SLF1: variants seen among roughly 807,000 people sequenced by gnomAD.
SLF1 encodes SMC5/6 complex localization factor 1.
In SLF1, 105 loss-of-function variants were observed where a neutral mutation model predicts 123.0. The observed-to-expected ratio is 0.85, with a 90% CI of 0.73 to 1.00. The LOEUF is 1.00. Among genes scored for constraint, SLF1 ranks in the 50% least tolerant of loss-of-function variants. The pLI is 0.00. For missense variants in SLF1, 1,239 were observed against 1,223.0 expected, an observed-to-expected ratio of 1.01 and a Z score of -0.20; for synonymous variants, 434 against 406.6, an observed-to-expected ratio of 1.07 and a Z score of -0.81.
In SLF1 at chr5:94,649,573, A is replaced by G; in HGVS notation, c.714A>G (p.Leu238=). Residue 238 remains leucine, a synonymous_variant, in exon 6 of 21, where the codon TTA becomes TTG. Coordinates refer to ENST00000265140, the MANE Select transcript of SLF1 (RefSeq NM_032290.4). ...GATTTCTTGAAATGAAAGGTGCCTTAAGAGAGACCATGTATAGAACCCAGG... is the reference window on the plus strand; with the variant it reads ...GATTTCTTGAAATGAAAGGTGCCTTGAGAGAGACCATGTATAGAACCCAGG... ...DAGFLEMKGA[L]RETMYRTQKE... The G allele has an allele frequency of 6.5e-7, 1 of 1,527,270 alleles. No homozygotes were observed. The highest frequency in any genetic ancestry group is 8.8e-7 in the Non-Finnish European group (1 of 1,130,754). 94.6% of individuals were successfully genotyped at this position (1,527,270 alleles called of 1,614,324 possible).
chr5:94,660,010 A>G (rs1391770655), intron 9 of SLF1, among the ~76,000 whole-genome samples: 2 of 152,180 alleles, frequency 1.3e-5, no homozygotes, highest in Non-Finnish European at 2.9e-5. Context: ...CAGCAGCAGC[A>G]GCTTGACATG....
At chr5:94,671,265 C>T (rs1247919872) in intron 14 of SLF1, among the ~76,000 whole-genome samples, 1 of 151,616 alleles carries the variant, frequency 6.6e-6, no homozygotes, top group African/African-American at 2.4e-5. Context: ...ACTTACCTTT[C>T]TAGATTTTTT....
At chr5:94,633,747 CAT>C (rs1389055407) in intron 4 of SLF1, among the ~76,000 whole-genome samples, 1 of 152,176 alleles carries the variant, frequency 6.6e-6, no homozygotes, top group African/African-American at 2.4e-5. Flanking sequence ...ATTGCATTCT[CAT>C]ATACTAGCAA....
At position 94,632,985 on chromosome 5, in the gene SLF1, G is replaced by A. The variant is rs1171903364; in HGVS notation, c.431+2242G>A. ...ATTACAGGCTTGAGCCACCGCGCCC[G>A]ACCTTTATTTTTTTAATTTTTTGAG... On this transcript the variant is annotated intron_variant, in intron 4 of 20. Transcript: ENST00000265140. 2.6e-5 allele frequency among the ~76,000 whole-genome samples: 4 copies of A among 151,456 alleles called. No individual in the cohort carries two copies. In the South Asian group the frequency reaches 6.3e-4, roughly 24 times the overall value.
intron 9 of SLF1, among the ~76,000 whole-genome samples, chr5:94,658,473 T>A (rs1398456208): frequency 6.6e-6 from 1 of 151,998 alleles, no homozygotes; most frequent in African/African-American, 2.4e-5. Context: ...CTTTCAACAC[T>A]ATGAATGTGT....
intron 12 of SLF1, among the ~76,000 whole-genome samples, chr5:94,666,553 G>A (rs186955804): frequency 3.9e-5 from 6 of 152,208 alleles, no homozygotes; most frequent in Admixed American, 1.3e-4. Context: ...CAGAAATTCT[G>A]TTTCACCTTC....
intron 15 of SLF1, among the ~76,000 whole-genome samples, chr5:94,680,388 AG>A (rs1751628962): frequency 6.6e-6 from 1 of 152,034 alleles, no homozygotes; most frequent in Non-Finnish European, 1.5e-5. Context: ...AACATTTCTT[AG>A]CTAACATTCA....
Position 94,688,638 on chromosome 5 carries a change from C to T in SLF1, c.2254C>T (p.Gln752Ter), listed in dbSNP as rs1432136907. 4 of 1,614,024 alleles carry T rather than the reference C, an allele frequency of 2.5e-6. No homozygotes were observed. Among genetic ancestry groups the T allele is most frequent in the Non-Finnish European group, 3.4e-6 (4 of 1,179,958 alleles). The change falls in exon 17 of 21, where the codon CAA (glutamine) becomes TAA (stop). Residue 752 changes from glutamine to a stop codon, truncating the protein, a stop_gained. Coordinates refer to ENST00000265140, the MANE Select transcript of SLF1 (RefSeq NM_032290.4). LOFTEE classifies it high-confidence loss of function. ...RTLLMLNGTK[Q>*]KQVEGLPELL... ...CTTACTAATGCTGAATGGTACTAAACAAAAACAAGTCGAAGGGCTGCCAGA... is the reference window on the plus strand; with the variant it reads ...CTTACTAATGCTGAATGGTACTAAATAAAAACAAGTCGAAGGGCTGCCAGA...
rs779909504 is a variant in SLF1, at chr5:94,694,913, G to C, written c.2778G>C (p.Leu926=). Reference sequence around the variant, plus strand: ...TTTCACCTCAAATCAAAGAAGAACTGTTTGCTATTACAAAAATAGAAGATA... The same window carrying C: ...TTTCACCTCAAATCAAAGAAGAACTCTTTGCTATTACAAAAATAGAAGATA... ...YVVSPQIKEE[L]FAITKIEDTV... is the part of the protein sequence containing the mutation. The change falls in exon 21 of 21, where the codon CTG becomes CTC. Residue 926 remains leucine (L), a synonymous_variant. Transcript: ENST00000265140. The C allele has an allele frequency of 6.2e-7, 1 of 1,611,812 alleles. No homozygotes were observed. Among genetic ancestry groups the C allele is most frequent in the Non-Finnish European group, 8.5e-7 (1 of 1,178,916 alleles).
At chr5:94,665,802 G>T in intron 11 of SLF1, 59 bp from the exon 12 acceptor site, 1 of 1,419,762 alleles carries the variant, frequency 7.0e-7, no homozygotes, top group Non-Finnish European at 9.6e-7. Flanking sequence ...GACTGAATTA[G>T]AGAGTCAAAC....
intron 4 of SLF1, among the ~76,000 whole-genome samples, chr5:94,641,910 C>T (rs1746494130): frequency 6.6e-6 from 1 of 152,174 alleles, no homozygotes; most frequent in African/African-American, 2.4e-5. Flanking sequence ...TTAGATCTCT[C>T]TTGTGTATTG....
At chr5:94,637,462 G>A (rs1745945064) in intron 4 of SLF1, among the ~76,000 whole-genome samples, 2 of 152,014 alleles carry the variant, frequency 1.3e-5, no homozygotes, top group Admixed American at 1.3e-4. Flanking sequence ...CCAGGCTCAG[G>A]GTGTATTCCA....
At chr5:94,628,645 C>T (rs1377360249) in intron 1 of SLF1, among the ~76,000 whole-genome samples, 166 bp from the exon 2 acceptor site, 3 of 152,116 alleles carry the variant, frequency 2.0e-5, no homozygotes, top group African/African-American at 7.2e-5. Context: ...TAGTTTCTAT[C>T]GTATATAAGT....
chr5:94,647,669 A>T (rs144964020), intron 5 of SLF1, among the ~76,000 whole-genome samples: 1 of 152,230 alleles, frequency 6.6e-6, no homozygotes, highest in Admixed American at 6.5e-5. Flanking sequence ...TGACACTAAG[A>T]TACTTATAAG....
rs759460752 is a variant in SLF1 at position 94,654,703 on chromosome 5, ATGT to A, written c.1112_1114del (p.Val371del). 8 of 1,544,416 alleles carry A rather than the reference ATGT, an allele frequency of 5.2e-6. No homozygotes were observed. Among genetic ancestry groups the A allele is most frequent in the Middle Eastern group, 1.7e-4 (1 of 5,938 alleles). ...GCCATGGCTATTAAGACAGATGTGG[ATGT>A]TGTTGAAATAAAAAATACCTTAAGG... is the stretch of plus-strand genomic sequence containing the variant. On this transcript the variant is annotated inframe_deletion, in exon 9 of 21. Transcript: ENST00000265140.
At chr5:94,631,062 T>C (rs1360336695) in intron 4 of SLF1, among the ~76,000 whole-genome samples, 1 of 152,210 alleles carries the variant, frequency 6.6e-6, no homozygotes, top group Non-Finnish European at 1.5e-5. Context: ...CTTTTAGACT[T>C]TTGGTATTAT....
At chr5:94,665,499 C>T (rs547547390) in intron 11 of SLF1, among the ~76,000 whole-genome samples, 13 of 152,280 alleles carry the variant, frequency 8.5e-5, no homozygotes, top group South Asian at 2.1e-4. Context: ...ACCTGTAATC[C>T]CAGCACTTTG....
chr5:94,670,941 C>A lies in SLF1; in HGVS notation c.1760C>A (p.Thr587Asn). The change falls in exon 14 of 21, where the codon ACC becomes AAC. Residue 587 changes from threonine (T) to asparagine (N), a missense_variant. Coordinates refer to ENST00000265140, the MANE Select transcript of SLF1 (RefSeq NM_032290.4). ...GGAAGTGAAACCTCTGGGCTTTTGACCAAACCAGTAAATATGCTTTTGGAA... is the reference window on the plus strand; with the variant it reads ...GGAAGTGAAACCTCTGGGCTTTTGAACAAACCAGTAAATATGCTTTTGGAA... ...WSGSETSGLLTKPVNMLLEWT... is the reference protein window; with the variant it reads ...WSGSETSGLLNKPVNMLLEWT... The A allele has an allele frequency of 1.3e-6, 2 of 1,549,648 alleles. No individual in the cohort carries two copies. Among genetic ancestry groups the A allele is most frequent in the South Asian group, 1.2e-5 (1 of 83,928 alleles).
chr5:94,633,081 C>T (rs1358373527), intron 4 of SLF1, among the ~76,000 whole-genome samples: 2 of 151,990 alleles, frequency 1.3e-5, no homozygotes, highest in East Asian at 1.9e-4. Context: ...ACCTCTGCCT[C>T]CTGGGTTCAA....
Sources: gnomAD v4.1 joint callset for allele counts (sites outside exome capture counted in the v4.1 genomes callset) on GRCh38, gnomAD v4.1.1 for gene constraint, MANE v1.5 for transcripts, NCBI Gene and HGNC (gene_info 2026-07-23, HGNC 2026-07-21) for gene names.